The following SIPA1L2 variants were observed in gnomAD, a reference collection of about 807,000 sequenced individuals.
SIPA1L2 encodes the protein signal induced proliferation associated 1 like 2.
In SIPA1L2, 56 loss-of-function variants were observed where a neutral mutation model predicts 163.9. The observed-to-expected ratio is 0.34, with a 90% CI of 0.28 to 0.43. The LOEUF is 0.43. Among genes scored for constraint, SIPA1L2 ranks in the 20% least tolerant of loss-of-function variants. The probability of loss-of-function intolerance (pLI) is 1.00; values close to 1 mark genes in which losing one functional copy is unlikely to be tolerated. For missense variants in SIPA1L2, 1,974 were observed against 2,193.5 expected (o/e 0.90, Z 2.00); for synonymous variants, 877 against 865.7 (o/e 1.01, Z -0.23).
chr1:232,611,849 C>A (rs1199777213), intron 1 of SIPA1L2, among the ~76,000 whole-genome samples: 1 of 152,202 alleles, frequency 6.6e-6, no homozygotes, highest in Non-Finnish European at 1.5e-5. Context: ...GAGGAGCCAA[C>A]TGTTATCCCC....
chr1:232,402,350 T>C (rs1275842406), intron 22 of SIPA1L2, 42 bp downstream of exon 22: 1 of 1,579,274 alleles, frequency 6.3e-7, no homozygotes, highest in South Asian at 1.1e-5. Context: ...GGGCTGATTT[T>C]ATAAGAGAAA....
intron 18 of SIPA1L2, among the ~76,000 whole-genome samples, chr1:232,417,856 G>A (rs1661348736): frequency 6.6e-6 from 1 of 152,148 alleles, no homozygotes; most frequent in African/African-American, 2.4e-5. Flanking sequence ...TTCGGGAAAC[G>A]GTGCAAGAGC....
chr1:232,600,655 G>A (rs1661544822), intron 1 of SIPA1L2, among the ~76,000 whole-genome samples: 1 of 152,174 alleles, frequency 6.6e-6, no homozygotes, highest in Admixed American at 6.5e-5. Context: ...ATGACATAAT[G>A]TGGTTTACTG....
At chr1:232,558,638 A>T (rs1003196440) in intron 2 of SIPA1L2, among the ~76,000 whole-genome samples, 1 of 152,070 alleles carries the variant, frequency 6.6e-6, no homozygotes, top group Non-Finnish European at 1.5e-5. Context: ...ACCCCCAAAC[A>T]AATTTTTTTT....
At chr1:232,613,994 A>G (rs897206501) in intron 1 of SIPA1L2, among the ~76,000 whole-genome samples, 1 of 152,200 alleles carries the variant, frequency 6.6e-6, no homozygotes, top group African/African-American at 2.4e-5. Flanking sequence ...GATTATTAGT[A>G]TATTTGCAAT....
At chr1:232,410,923 A>G (rs1471283017) in intron 19 of SIPA1L2, among the ~76,000 whole-genome samples, 1 of 152,198 alleles carries the variant, frequency 6.6e-6, no homozygotes, top group Non-Finnish European at 1.5e-5. Context: ...TATTTTGTGC[A>G]GAAGGAACCA....
chr1:232,433,276 C>G (rs1662358477), intron 15 of SIPA1L2, among the ~76,000 whole-genome samples: 1 of 152,112 alleles, frequency 6.6e-6, no homozygotes, highest in African/African-American at 2.4e-5. Context: ...AGAGAAGAAG[C>G]AAGTCACAAA....
Position 232,404,141 on chromosome 1 carries a change from G to T in SIPA1L2, c.4800C>A (p.His1600Gln). Residue 1600 changes from histidine to glutamine, a missense_variant, in exon 20 of 23, where the codon CAC becomes CAA. By Grantham distance (24) the His-to-Gln change is conservative. Transcript: ENST00000674635. ...DSDEELGLLC[H>Q]HTSYLDQRVA... ...GACAATCACCTAGATAGGACGTGTG[G>T]TGACAGAGCAGCCCCAGTTCTTCAT... The T allele has an allele frequency of 6.2e-7, 1 of 1,614,110 alleles. No homozygotes were observed.
At chr1:232,479,783 C>T in intron 6 of SIPA1L2, 53 bp from the exon 7 acceptor site, 1 of 1,491,026 alleles carries the variant, frequency 6.7e-7, no homozygotes, top group Non-Finnish European at 9.3e-7. Flanking sequence ...AAAATTAGTG[C>T]TTCGATATTT....
At chr1:232,473,528 GCA>G (rs1338659866) in intron 7 of SIPA1L2, among the ~76,000 whole-genome samples, 13 of 152,298 alleles carry the variant, frequency 8.5e-5, no homozygotes, top group African/African-American at 2.4e-4. Context: ...ACAGCAAATT[GCA>G]CAGTTATTCC....
chr1:232,589,026 T>TA (rs10711436), intron 1 of SIPA1L2, among the ~76,000 whole-genome samples: 2 of 151,554 alleles, frequency 1.3e-5, no homozygotes, highest in Admixed American at 6.6e-5. Context: ...TTCCAGAGTG[T>TA]AAAAAAAAGG....
At chr1:232,478,859 C>G (rs929835658) in intron 7 of SIPA1L2, among the ~76,000 whole-genome samples, 15 of 152,222 alleles carry the variant, frequency 9.9e-5, no homozygotes, top group South Asian at 2.1e-4. Context: ...CCAGAAGATT[C>G]TAAACAAGAT....
intron 1 of SIPA1L2, among the ~76,000 whole-genome samples, chr1:232,582,181 T>A (rs1211271439): frequency 6.6e-6 from 1 of 152,198 alleles, no homozygotes; most frequent in East Asian, 1.9e-4. Flanking sequence ...CCATAATTTT[T>A]TTTTCAACTT....
intron 1 of SIPA1L2, among the ~76,000 whole-genome samples, chr1:232,629,315 C>T (rs1408921438): frequency 2.0e-5 from 3 of 152,206 alleles, no homozygotes; most frequent in Non-Finnish European, 4.4e-5. Context: ...CGGAGAGGCC[C>T]AGGAGCTGGC....
intron 1 of SIPA1L2, among the ~76,000 whole-genome samples, chr1:232,604,337 C>T (rs1192236224): frequency 1.3e-5 from 2 of 152,180 alleles, no homozygotes; most frequent in Non-Finnish European, 2.9e-5. Context: ...ATTTCCTTTC[C>T]AGCCGCCTCC....
intron 2 of SIPA1L2, among the ~76,000 whole-genome samples, chr1:232,537,996 A>C (rs1245429640): frequency 6.6e-6 from 1 of 152,232 alleles, no homozygotes; most frequent in African/African-American, 2.4e-5. Context: ...TTTTTGTAAT[A>C]AACATCATTT....
At chr1:232,524,382 A>C (rs1312336799) in intron 2 of SIPA1L2, among the ~76,000 whole-genome samples, 2 of 152,206 alleles carry the variant, frequency 1.3e-5, no homozygotes, top group Non-Finnish European at 2.9e-5. Context: ...CACACTCCCC[A>C]TGCCGGTGAG....
intron 17 of SIPA1L2, 24 bp from the exon 18 acceptor site, chr1:232,425,832 G>A (rs368654399): frequency 5.0e-6 from 8 of 1,601,946 alleles, no homozygotes; most frequent in Non-Finnish European, 6.8e-6. Context: ...AAGGTGCGAG[G>A]AGGGAACAGA....
In SIPA1L2 at chr1:232,434,434, G is replaced by C. The variant is rs114446932; in HGVS notation, c.4032-1963C>G. Reference sequence around the variant, plus strand: ...TGCTGGTGGCTGGTCTGGTGCCCTTGAGTATGACTGATGGCTCCCTCTCTC... The same window carrying C: ...TGCTGGTGGCTGGTCTGGTGCCCTTCAGTATGACTGATGGCTCCCTCTCTC... On this transcript the variant is annotated intron_variant, in intron 15 of 22. Transcript: ENST00000674635. 2.9e-3 allele frequency among the ~76,000 whole-genome samples: 438 copies of C among 152,216 alleles called. 1 individual carries two copies. The highest frequency in any genetic ancestry group is 1.0e-2 in the African/African-American group (414 of 41,522).
Sources: allele counts gnomAD v4.1 joint callset (sites outside exome capture counted in the v4.1 genomes callset), GRCh38; gene constraint gnomAD v4.1.1; transcripts MANE v1.5; gene names NCBI Gene and HGNC (gene_info 2026-07-23, HGNC 2026-07-21).